The following PPP1R12C variants were observed in gnomAD, a reference collection of about 807,000 sequenced individuals.
The protein encoded by PPP1R12C is leukocyte receptor cluster (LRC) encoded novel gene 3.
In PPP1R12C, 48 loss-of-function variants were observed where a neutral mutation model predicts 95.6. That is an observed-to-expected ratio of 0.50 (90% confidence interval 0.40 to 0.64). PPP1R12C has a LOEUF of 0.64. Among genes scored for constraint, PPP1R12C ranks in the 30% least tolerant of loss-of-function variants. The pLI, the probability that PPP1R12C is intolerant of heterozygous loss-of-function variation, is 0.00. For missense variants in PPP1R12C, 1,057 were observed against 1,083.3 expected (o/e 0.98, Z 0.34); for synonymous variants, 480 against 460.8 (o/e 1.04, Z -0.53).
chr19:55,096,247 C>A lies in PPP1R12C; in HGVS notation c.1025+15G>T. 6.2e-7 allele frequency: 1 copy of A among 1,613,886 alleles called. No individual in the cohort carries two copies. The highest frequency in any genetic ancestry group is 8.5e-7 in the Non-Finnish European group (1 of 1,179,918). The stretch of plus-strand genomic sequence containing the variant: ...CCAGCCACCCCGCCAGCCCTGGACT[C>A]CTCCCTCCCTATACCTTCTGTGTTT... On this transcript the variant is annotated intron_variant, in intron 7 of 21. Coordinates refer to ENST00000263433, the MANE Select transcript of PPP1R12C (RefSeq NM_017607.4).
rs755655737 is a variant in PPP1R12C, at chr19:55,094,704, T to C, written c.1549A>G (p.Thr517Ala). 21 of 1,609,232 alleles carry C rather than the reference T, an allele frequency of 1.3e-5. No individual in the cohort carries two copies. The East Asian group carries it at 4.7e-4, about 36-fold the overall frequency. ...PESPAKPNVP[T>A]ASTAPPADSR... is the part of the protein sequence containing the mutation. ...TCCGCTGGGGGCGCCGTGGAGGCTGTGGGGACGTTTGGCTTCGCTGGGGAT... is the reference window on the plus strand; with the variant it reads ...TCCGCTGGGGGCGCCGTGGAGGCTGCGGGGACGTTTGGCTTCGCTGGGGAT... Residue 517 changes from threonine to alanine, a missense_variant, in exon 12 of 22, where the codon ACA (threonine) becomes GCA (alanine). This residue lies in a region of PPP1R12C where 356 missense variants were observed against 330.5 expected (regional missense o/e 1.08). Transcript: ENST00000263433.
At chr19:55,098,018 G>A (rs2084941487) in intron 6 of PPP1R12C, among the ~76,000 whole-genome samples, 3 of 152,150 alleles carry the variant, frequency 2.0e-5, no homozygotes, top group Admixed American at 1.3e-4. Context: ...ACATCCATCA[G>A]CCTCCACTTC....
chr19:55,091,719 G>A lies in PPP1R12C; in HGVS notation c.2212-19C>T, dbSNP rs1236204212. ...TGCGCTCCTGGAATGAACAGGGAAA[G>A]TGCAGAAACTGAGTGAGGCTGAGGA... On this transcript the variant is annotated intron_variant, in intron 20 of 21. Transcript: ENST00000263433. The A allele has an allele frequency of 9.3e-6, 15 of 1,613,470 alleles. No individual in the cohort carries two copies. Among genetic ancestry groups the A allele is most frequent in the Middle Eastern group, 3.3e-4 (2 of 6,084 alleles).
intron 3 of PPP1R12C, among the ~76,000 whole-genome samples, chr19:55,110,603 G>A (rs953601309): frequency 2.4e-4 from 36 of 152,148 alleles, no homozygotes; most frequent in East Asian, 7.7e-4. Context: ...CAGAATGGCC[G>A]GGCTCACGCC....
At position 55,092,455 on chromosome 19, in the gene PPP1R12C, C is replaced by T. The variant is rs2084855349; in HGVS notation, c.2042G>A (p.Gly681Glu). The change falls in exon 18 of 22, where the codon GGA (glycine) becomes GAA (glutamate). Residue 681 changes from glycine to glutamate, a missense_variant. Around this residue, in one of 5 missense-constraint regions of PPP1R12C, gnomAD observed 347 missense variants for 307.9 expected, o/e 1.13. Coordinates refer to ENST00000263433, the MANE Select transcript of PPP1R12C (RefSeq NM_017607.4). ...GTGGGATCGCACCGTCCTAAAGCCT[C>T]CGTCTGGCTCTTCCGATTCTGGCTC... is the stretch of plus-strand genomic sequence containing the variant. ...EPEPESEEPD[G>E]GFRTLYAELR... The T allele has an allele frequency of 6.2e-7, 1 of 1,608,816 alleles. No homozygotes were observed. Among genetic ancestry groups the T allele is most frequent in the Admixed American group, 1.7e-5 (1 of 59,514 alleles).
intron 6 of PPP1R12C, among the ~76,000 whole-genome samples, chr19:55,097,373 C>T (rs1441551237): frequency 9.1e-5 from 12 of 131,412 alleles, no homozygotes; most frequent in South Asian, 3.0e-4. Context: ...CGCAGTTCAC[C>T]GTCTTCACCC....
In PPP1R12C at chr19:55,109,471, C is replaced by A. The variant is rs912874359; in HGVS notation, c.571+2996G>T. ...TGCAAAGAGTCATGCCCGATTCAGC[C>A]CCTGAGTCGACTGGGCCAGAGGACT... On this transcript the variant is annotated intron_variant, in intron 3 of 21. Coordinates refer to ENST00000263433, the MANE Select transcript of PPP1R12C (RefSeq NM_017607.4). This position sits in a 1 kb window ranked among gnomAD's most constrained non-coding sequence, Gnocchi z 4.4. Among the ~76,000 whole-genome samples the A allele has an allele frequency of 2.0e-5, 3 of 152,222 alleles. No individual in the cohort carries two copies. The highest frequency in any genetic ancestry group is 2.0e-4 in the Admixed American group (3 of 15,284).
At chr19:55,102,331 T>C (rs553270513) in intron 4 of PPP1R12C, among the ~76,000 whole-genome samples, 1 of 152,304 alleles carries the variant, frequency 6.6e-6, no homozygotes, top group Admixed American at 6.5e-5. Flanking sequence ...CTGGCCAACA[T>C]GGAGAAACCC....
chr19:55,113,443 T>C (rs932810756), intron 1 of PPP1R12C: 8 of 1,497,220 alleles, frequency 5.3e-6, no homozygotes, highest in Non-Finnish European at 7.1e-6. Context: ...AGGCCCCCTC[T>C]GCACGGGGCC....
intron 1 of PPP1R12C, chr19:55,113,091 G>A: frequency 1.8e-6 from 1 of 549,702 alleles, no homozygotes; most frequent in Non-Finnish European, 3.2e-6. Context: ...AACCCCACAT[G>A]GTACCTGTTA....
Position 55,091,366 on chromosome 19 carries a change from T to C in PPP1R12C, c.*106A>G. 8.3e-7 allele frequency: 1 copy of C among 1,209,388 alleles called. No homozygotes were observed. Among genetic ancestry groups the C allele is most frequent in the East Asian group, 2.5e-5 (1 of 39,234 alleles). The allele number at this position is 1,209,388 out of a possible 1,614,324, so 74.9% of individuals were successfully genotyped here. ...CGGAGGTCCCAGGGGGGCTATGGCT[T>C]CTCTGAGACTTCCCCCGGAGCCCTG... On this transcript the variant is annotated 3_prime_UTR_variant, in exon 22 of 22. Transcript: ENST00000263433.
intron 6 of PPP1R12C, among the ~76,000 whole-genome samples, chr19:55,098,003 C>A (rs1008688743): frequency 3.3e-5 from 5 of 152,190 alleles, no homozygotes; most frequent in Admixed American, 2.6e-4. Flanking sequence ...GTGAGATCTT[C>A]TCCTACATCC....
In PPP1R12C at chr19:55,091,272, G is replaced by A. The variant is rs1242030634; in HGVS notation, c.*200C>T. ...CTGGCAACGTCCCCCTGCTTGGCTC[G>A]GCCTCCCACCTCCATCCTGGCCTCG... is the stretch of plus-strand genomic sequence containing the variant. On this transcript the variant is annotated 3_prime_UTR_variant, in exon 22 of 22. Transcript: ENST00000263433. The A allele has an allele frequency of 3.0e-5, 18 of 607,256 alleles. No individual in the cohort carries two copies. Among genetic ancestry groups the A allele is most frequent in the Non-Finnish European group, 4.1e-5 (14 of 345,526 alleles). 37.6% of individuals were successfully genotyped at this position (607,256 alleles called of 1,614,324 possible).
At chr19:55,117,084 G>A (rs1247882691) in intron 1 of PPP1R12C, 139 bp downstream of exon 1, 1 of 669,098 alleles carries the variant, frequency 1.5e-6, no homozygotes, top group Admixed American at 4.8e-5. Flanking sequence ...ACTGGGACGG[G>A]GTGTCAGCAT....
rs140281938 is a variant in PPP1R12C at position 55,113,747 on chromosome 19, G to A, written c.322-952C>T. The A allele has an allele frequency of 6.6e-5, 30 of 451,508 alleles. No individual in the cohort carries two copies. In the East Asian group the frequency reaches 1.2e-3, roughly 18 times the overall value. The allele number at this position is 451,508 out of a possible 1,614,324, so 28.0% of individuals were successfully genotyped here. On this transcript the variant is annotated intron_variant, in intron 1 of 21. Transcript: ENST00000263433. ...GCATGAGGTCATGGAAACTCGGGCT[G>A]TGAAGGGGCCGCACGTGCCCTGGGA...
intron 3 of PPP1R12C, chr19:55,111,551 G>A (rs1445758443): frequency 1.3e-5 from 2 of 152,112 alleles, no homozygotes; most frequent in Non-Finnish European, 2.9e-5. Flanking sequence ...GCCGTCACGT[G>A]TCCCACTAGC....
intron 3 of PPP1R12C, among the ~76,000 whole-genome samples, chr19:55,108,934 G>A (rs1222851761): frequency 2.0e-5 from 3 of 152,110 alleles, no homozygotes; most frequent in Admixed American, 6.5e-5. Flanking sequence ...TCAAACTCCC[G>A]ACCTCAGGTG....
chr19:55,102,388 C>T (rs1463818216), intron 4 of PPP1R12C, among the ~76,000 whole-genome samples: 3 of 152,170 alleles, frequency 2.0e-5, no homozygotes, highest in South Asian at 4.1e-4. Context: ...GGCACACTCT[C>T]ATAGTCACAG....
chr19:55,093,027 G>T lies in PPP1R12C; in HGVS notation c.1814C>A (p.Pro605His). 1 of 1,584,038 alleles carries T rather than the reference G, an allele frequency of 6.3e-7. No individual in the cohort carries two copies. Among genetic ancestry groups the T allele is most frequent in the East Asian group, 2.2e-5 (1 of 44,636 alleles). Reference protein sequence around the residue: ...RVPGVENSDSPAQRAEAPDGQ... With the variant: ...RVPGVENSDSHAQRAEAPDGQ... Reference sequence around the variant, plus strand: ...AGAGCAGACCTCACCTCTCTGGGCAGGGCTGTCAGAGTTCTCCACTCCAGG... The same window carrying T: ...AGAGCAGACCTCACCTCTCTGGGCATGGCTGTCAGAGTTCTCCACTCCAGG... The change falls in exon 15 of 22, where the codon CCT becomes CAT. Residue 605 changes from proline to histidine, a missense_variant. Coordinates refer to ENST00000263433, the MANE Select transcript of PPP1R12C (RefSeq NM_017607.4).
Sources: gnomAD v4.1 joint callset for allele counts (sites outside exome capture counted in the v4.1 genomes callset) on GRCh38, gnomAD v4.1.1 for gene constraint, gnomAD v4.1.1 regional missense constraint, Gnocchi (gnomAD v3.1) non-coding constraint, MANE v1.5 for transcripts, NCBI Gene and HGNC (gene_info 2026-07-23, HGNC 2026-07-21) for gene names.